RGS9: variants seen among roughly 807,000 people sequenced by gnomAD.
RGS9 encodes the protein regulator of G protein signaling 9, also known as regulator of G-protein signalling 9.
A neutral mutation model predicts 102.0 loss-of-function variants in RGS9; 78 were observed. That is an observed-to-expected ratio of 0.76 (90% CI 0.64 to 0.92). The LOEUF (loss-of-function observed/expected upper bound fraction) is 0.92, where lower values mean the gene tolerates loss of function less well. Among genes scored for constraint, RGS9 ranks in the 40% least tolerant of loss-of-function variants. The probability of loss-of-function intolerance (pLI) is 0.00; values close to 1 mark genes in which losing one functional copy is unlikely to be tolerated. For synonymous variants in RGS9, 353 were observed against 318.6 expected, an observed-to-expected ratio of 1.11 and a Z score of -1.15; for missense variants, 833 against 866.1, an observed-to-expected ratio of 0.96 and a Z score of 0.48.
intron 9 of RGS9, among the ~76,000 whole-genome samples, chr17:65,186,319 CGCCT>C: frequency 6.6e-6 from 1 of 151,788 alleles, no homozygotes; most frequent in African/African-American, 2.4e-5. Flanking sequence ...GGGTCAGTCC[CGCCT>C]CCACCCCACC....
intron 17 of RGS9, among the ~76,000 whole-genome samples, chr17:65,222,709 G>C (rs1447241428): frequency 6.6e-6 from 1 of 152,214 alleles, no homozygotes; most frequent in Non-Finnish European, 1.5e-5. Context: ...GTCCTAAGTA[G>C]AGTTGCACCT....
intron 1 of RGS9, among the ~76,000 whole-genome samples, chr17:65,150,194 G>T (rs1227748697): frequency 6.6e-6 from 1 of 152,166 alleles, no homozygotes; most frequent in African/African-American, 2.4e-5. Flanking sequence ...GCCAGGTGAA[G>T]GCAGGAAAGG....
chr17:65,158,416 A>G, intron 3 of RGS9, 71 bp downstream of exon 3: 1 of 1,346,908 alleles, frequency 7.4e-7, no homozygotes. Context: ...AACTAAATAG[A>G]GACTTAGCCT....
chr17:65,224,933 C>G (rs1313598900), intron 17 of RGS9, 69 bp from the exon 18 acceptor site: 1 of 1,600,092 alleles, frequency 6.2e-7, no homozygotes, highest in African/African-American at 1.3e-5. Flanking sequence ...TAGCAGAGGA[C>G]AGCCCAGGGG....
intron 7 of RGS9, among the ~76,000 whole-genome samples, chr17:65,165,462 T>C (rs1269881643): frequency 2.0e-5 from 3 of 151,264 alleles, no homozygotes; most frequent in Admixed American, 6.6e-5. Context: ...ACCATGTAGG[T>C]TGGCCCATAA....
intron 11 of RGS9, among the ~76,000 whole-genome samples, chr17:65,193,265 A>G (rs1379058950): frequency 6.6e-6 from 1 of 151,634 alleles, no homozygotes; most frequent in Non-Finnish European, 1.5e-5. Context: ...AAAAAAAAAA[A>G]AAAAAGAAAA....
intron 1 of RGS9, among the ~76,000 whole-genome samples, chr17:65,150,252 G>C (rs537201006): frequency 1.3e-5 from 2 of 152,168 alleles, no homozygotes; most frequent in Admixed American, 1.3e-4. Context: ...TGCTTCTGTG[G>C]CCCTTCCACC....
intron 18 of RGS9, among the ~76,000 whole-genome samples, chr17:65,225,829 G>C (rs1238746916): frequency 6.6e-6 from 1 of 152,236 alleles, no homozygotes; most frequent in African/African-American, 2.4e-5. Context: ...GAGCAGGAAA[G>C]ATTGGTGGCA....
At position 65,192,186 on chromosome 17, in the gene RGS9, A is replaced by G. The variant is rs148628116; in HGVS notation, c.747-1357A>G. ...AATTAGCATATCCATCATCTCAAAC[A>G]TTTATCATTTGTTTGTGTTGGGAAC... On this transcript the variant is annotated intron_variant, in intron 11 of 18. Coordinates refer to ENST00000262406, the MANE Select transcript of RGS9 (RefSeq NM_003835.4). Among the ~76,000 whole-genome samples the G allele has an allele frequency of 4.4e-3, 666 of 152,278 alleles. 5 individuals carry two copies. The highest frequency in any genetic ancestry group is 0.015 in the African/African-American group (639 of 41,548).
At chr17:65,184,364 A>G (rs1053954296) in intron 9 of RGS9, among the ~76,000 whole-genome samples, 4 of 152,176 alleles carry the variant, frequency 2.6e-5, no homozygotes, top group Non-Finnish European at 4.4e-5. Flanking sequence ...ATAGGTCCCA[A>G]ATATTGCCTG....
intron 17 of RGS9, among the ~76,000 whole-genome samples, chr17:65,217,121 G>A (rs1041212974): frequency 1.3e-5 from 2 of 152,210 alleles, no homozygotes; most frequent in Admixed American, 1.3e-4. Context: ...GGATACGGGT[G>A]GGTGGCCAGC....
intron 12 of RGS9, among the ~76,000 whole-genome samples, chr17:65,196,027 G>GC (rs1461325847): frequency 1.3e-5 from 2 of 152,210 alleles, no homozygotes; most frequent in Admixed American, 6.5e-5. Context: ...GTGGAAGTTT[G>GC]CAAACCACTG....
chr17:65,184,353 A>G (rs961753416), intron 9 of RGS9, among the ~76,000 whole-genome samples: 4 of 152,038 alleles, frequency 2.6e-5, no homozygotes, highest in Non-Finnish European at 5.9e-5. Flanking sequence ...TTTTTTGCAT[A>G]ATAGGTCCCA....
chr17:65,199,488 CTTTTTTTTT>C (rs3034101), intron 13 of RGS9, among the ~76,000 whole-genome samples: 3 of 108,328 alleles, frequency 2.8e-5, no homozygotes, highest in African/African-American at 3.9e-5. Context: ...GCTTCTGTTC[CTTTTTTTTT>C]TTTTTTTTTT....
In RGS9 at chr17:65,189,272, T is replaced by C; in HGVS notation, c.655-14T>C. Reference sequence around the variant, plus strand: ...ATGACATCTGCCTAACGGTTTTGTTTCTTTGTCTTACAGAAACAAACAGTC... The same window carrying C: ...ATGACATCTGCCTAACGGTTTTGTTCCTTTGTCTTACAGAAACAAACAGTC... On this transcript the variant is annotated splice_polypyrimidine_tract_variant and intron_variant, in intron 9 of 18. Coordinates refer to ENST00000262406, the MANE Select transcript of RGS9 (RefSeq NM_003835.4). 3 of 1,609,848 alleles carry C rather than the reference T, an allele frequency of 1.9e-6. No homozygotes were observed. The South Asian group carries it at 3.3e-5, about 18-fold the overall frequency.
chr17:65,220,932 C>A (rs1210369122), intron 17 of RGS9, among the ~76,000 whole-genome samples: 2 of 152,182 alleles, frequency 1.3e-5, no homozygotes, highest in Non-Finnish European at 2.9e-5. Flanking sequence ...TGTCACATTT[C>A]TTTGCCATGT....
intron 8 of RGS9, among the ~76,000 whole-genome samples, chr17:65,169,579 G>A (rs756190085): frequency 1.3e-5 from 2 of 152,230 alleles, no homozygotes; most frequent in Non-Finnish European, 2.9e-5. Flanking sequence ...ATACCTGAGG[G>A]TAGGTAAAGA....
intron 12 of RGS9, 125 bp downstream of exon 12, chr17:65,193,781 C>G: frequency 1.5e-6 from 1 of 688,184 alleles, no homozygotes; most frequent in South Asian, 1.6e-5. Context: ...GAGCTACAAT[C>G]AATTTTAAAA....
At position 65,152,997 on chromosome 17, in the gene RGS9, G is replaced by T. The variant is rs539594325; in HGVS notation, c.58-425G>T. ...CTGGAATAAAATCCACACTGCAGGG[G>T]TGGCTTTGAGGTCCATGTGGTCTGG... is the stretch of plus-strand genomic sequence containing the variant. On this transcript the variant is annotated intron_variant, in intron 1 of 18. Transcript: ENST00000262406. Among the ~76,000 whole-genome samples, 23 of 152,338 alleles carry T rather than the reference G, an allele frequency of 1.5e-4. No individual in the cohort carries two copies. In the South Asian group the frequency reaches 2.3e-3, roughly 15 times the overall value.
Sources: allele counts gnomAD v4.1 joint callset (sites outside exome capture counted in the v4.1 genomes callset), GRCh38; gene constraint gnomAD v4.1.1; transcripts MANE v1.5; gene names NCBI Gene and HGNC (gene_info 2026-07-23, HGNC 2026-07-21).